Variants in RASAL2 observed in about 807,000 individuals in gnomAD.
RASAL2 encodes the protein RAS protein activator like 2.
A neutral mutation model predicts 128.9 loss-of-function variants in RASAL2; 58 were observed. That is an observed-to-expected ratio of 0.45 (90% CI 0.36 to 0.56). RASAL2 has a LOEUF of 0.56. Among genes scored for constraint, RASAL2 ranks in the 20% least tolerant of loss-of-function variants. The pLI, the probability that RASAL2 is intolerant of heterozygous loss-of-function variation, is 0.00. For missense variants in RASAL2, 1,360 were observed against 1,601.6 expected (o/e 0.85, Z 2.57); for synonymous variants, 561 against 580.8 (o/e 0.97, Z 0.49).
Position 178,112,457 on chromosome 1 carries a change from G to T in RASAL2, c.202+17763G>T, listed in dbSNP as rs533323151. On this transcript the variant is annotated intron_variant, in intron 1 of 17. Coordinates refer to ENST00000367649, the MANE Select transcript of RASAL2 (RefSeq NM_170692.4). ...CTCAACTACTCAGGAGGCTGAGGCAGGAGAATTGCTTGAACCCGGGAGGTG... is the reference window on the plus strand; with the variant it reads ...CTCAACTACTCAGGAGGCTGAGGCATGAGAATTGCTTGAACCCGGGAGGTG... Among the ~76,000 whole-genome samples the T allele has an allele frequency of 1.7e-4, 26 of 152,146 alleles. No homozygotes were observed. The East Asian group carries it at 3.3e-3, about 19-fold the overall frequency.
At chr1:178,410,302 T>C (rs989225770) in intron 4 of RASAL2, among the ~76,000 whole-genome samples, 8 of 151,870 alleles carry the variant, frequency 5.3e-5, no homozygotes, top group Non-Finnish European at 8.8e-5. Flanking sequence ...TGTGTAGATA[T>C]AAGAGTGGGT....
At chr1:178,172,897 A>G (rs1416912603) in intron 1 of RASAL2, among the ~76,000 whole-genome samples, 2 of 152,156 alleles carry the variant, frequency 1.3e-5, no homozygotes, top group African/African-American at 4.8e-5. Flanking sequence ...AACAAAACAA[A>G]ATACAGACTT....
chr1:178,404,827 A>G (rs1673894976), intron 4 of RASAL2, among the ~76,000 whole-genome samples: 1 of 150,384 alleles, frequency 6.6e-6, no homozygotes, highest in African/African-American at 2.5e-5. Flanking sequence ...GTCTGCAGGT[A>G]CATGCCACCA....
intron 1 of RASAL2, among the ~76,000 whole-genome samples, chr1:178,260,119 G>T (rs1470318742): frequency 2.6e-5 from 4 of 150,958 alleles, no homozygotes; most frequent in African/African-American, 7.3e-5. Flanking sequence ...TTGGGAAGCC[G>T]AGGTGGGTGG....
intron 1 of RASAL2, among the ~76,000 whole-genome samples, chr1:178,208,413 T>A (rs1198003103): frequency 6.6e-6 from 1 of 152,178 alleles, no homozygotes; most frequent in Non-Finnish European, 1.5e-5. Flanking sequence ...TCTTATGCAG[T>A]TGAGATAAGG....
At chr1:178,184,122 C>T (rs6694323) in intron 1 of RASAL2, among the ~76,000 whole-genome samples, 13,242 of 152,092 alleles carry the variant, frequency 0.087, 611 homozygotes, top group Middle Eastern at 0.13. Context: ...CCATTCAGAC[C>T]TTATGCCCAT....
At chr1:178,289,783 G>A (rs1667194771) in intron 2 of RASAL2, among the ~76,000 whole-genome samples, 1 of 152,150 alleles carries the variant, frequency 6.6e-6, no homozygotes, top group South Asian at 2.1e-4. Flanking sequence ...AAGTTTCAAA[G>A]GCCAAAAGCT....
chr1:178,212,707 G>A (rs1367494296), intron 1 of RASAL2, among the ~76,000 whole-genome samples: 1 of 152,126 alleles, frequency 6.6e-6, no homozygotes, highest in Non-Finnish European at 1.5e-5. Context: ...GGCCAGGCTG[G>A]TCTCAAACTC....
intron 1 of RASAL2, among the ~76,000 whole-genome samples, chr1:178,118,022 G>A (rs1389822386): frequency 6.6e-6 from 1 of 152,006 alleles, no homozygotes; most frequent in East Asian, 1.9e-4. Context: ...AAATTAGCTG[G>A]GCACGGTGGC....
At chr1:178,371,351 C>CACACACACACACACACACACACAA (rs1192709246) in intron 3 of RASAL2, among the ~76,000 whole-genome samples, 3 of 112,962 alleles carry the variant, frequency 2.7e-5, no homozygotes, top group South Asian at 5.2e-4. Context: ...CACACACACA[C>CACACACACACACACACACACACAA]AAATACACAC....
chr1:178,181,723 A>G (rs564209003), intron 1 of RASAL2, among the ~76,000 whole-genome samples: 6 of 150,216 alleles, frequency 4.0e-5, no homozygotes, highest in Non-Finnish European at 8.9e-5. Context: ...TGACCTTGAC[A>G]GTTTTGAGGA....
intron 1 of RASAL2, among the ~76,000 whole-genome samples, chr1:178,263,879 G>A (rs980003808): frequency 1.3e-5 from 2 of 152,108 alleles, no homozygotes; most frequent in African/African-American, 2.4e-5. Flanking sequence ...AAAATAATTT[G>A]TGTCTGCTGA....
intron 1 of RASAL2, among the ~76,000 whole-genome samples, chr1:178,241,424 G>A (rs1312420394): frequency 1.3e-5 from 2 of 152,172 alleles, no homozygotes; most frequent in Non-Finnish European, 2.9e-5. Flanking sequence ...TTCACTTTAT[G>A]TGTGAGGAGA....
At chr1:178,430,280 C>T (rs1051905547) in intron 5 of RASAL2, among the ~76,000 whole-genome samples, 2 of 152,050 alleles carry the variant, frequency 1.3e-5, no homozygotes, top group African/African-American at 4.8e-5. Context: ...GTCTAGCTAT[C>T]GATTAGAGTT....
intron 3 of RASAL2, among the ~76,000 whole-genome samples, chr1:178,388,964 A>G (rs961823846): frequency 2.0e-5 from 3 of 152,158 alleles, no homozygotes; most frequent in African/African-American, 7.2e-5. Context: ...GCTCTCTGCA[A>G]GCTGTGGAGA....
chr1:178,160,997 T>G (rs1661269305), intron 1 of RASAL2, among the ~76,000 whole-genome samples: 2 of 152,230 alleles, frequency 1.3e-5, no homozygotes, highest in Non-Finnish European at 2.9e-5. Flanking sequence ...TGGCCTCTTC[T>G]TCCTCTTTGT....
chr1:178,313,924 A>T (rs187225232), intron 3 of RASAL2, among the ~76,000 whole-genome samples: 1 of 152,290 alleles, frequency 6.6e-6, no homozygotes, highest in East Asian at 1.9e-4. Context: ...ATTATAATCT[A>T]ATAGACAATA....
At chr1:178,222,157 C>T (rs957184289) in intron 1 of RASAL2, among the ~76,000 whole-genome samples, 7 of 151,974 alleles carry the variant, frequency 4.6e-5, no homozygotes, top group African/African-American at 9.7e-5. Flanking sequence ...TTGTAGATAA[C>T]GTATAGTTAG....
chr1:178,380,181 G>GC (rs372457185), intron 3 of RASAL2, among the ~76,000 whole-genome samples: 205 of 152,234 alleles, frequency 1.3e-3, no homozygotes, highest in African/African-American at 4.7e-3. Context: ...GAGTCACCGT[G>GC]CCCCGCCAAT....
Sources: gnomAD v4.1 joint callset for allele counts (sites outside exome capture counted in the v4.1 genomes callset) on GRCh38, gnomAD v4.1.1 for gene constraint, MANE v1.5 for transcripts, NCBI Gene and HGNC (gene_info 2026-07-23, HGNC 2026-07-21) for gene names.